Variants in SCHIP1 observed in about 807,000 individuals in gnomAD.
The protein encoded by SCHIP1 is schwannomin-interacting protein 1.
A neutral mutation model predicts 29.7 loss-of-function variants in SCHIP1; 8 were observed. The observed-to-expected ratio is 0.27, with a 90% CI of 0.16 to 0.49. SCHIP1 has a LOEUF of 0.49. Ranked by LOEUF, SCHIP1 falls within the 20% of genes least tolerant of loss-of-function variation. SCHIP1 has a pLI of 0.99. For synonymous variants in SCHIP1, 76 were observed against 94.9 expected, an observed-to-expected ratio of 0.80 and a Z score of 1.16; for missense variants, 193 against 294.6, an observed-to-expected ratio of 0.66 and a Z score of 2.52.
the SCHIP1 span, among the ~76,000 whole-genome samples, chr3:159,443,877 T>C: frequency 1.3e-5 from 2 of 152,294 alleles, no homozygotes; most frequent in African/African-American, 2.4e-5. Flanking sequence ...CTTTGAAGAA[T>C]CTGCTTGAGA....
chr3:159,705,461 A>G, the SCHIP1 span, among the ~76,000 whole-genome samples: 1 of 152,088 alleles, frequency 6.6e-6, no homozygotes, highest in Non-Finnish European at 1.5e-5. Context: ...AGATCATAAC[A>G]TAGAAATAGA....
chr3:159,578,692 T>C, the SCHIP1 span, among the ~76,000 whole-genome samples: 2,546 of 152,264 alleles, frequency 0.017, 64 homozygotes, highest in African/African-American at 0.057. Context: ...GGCCCCTTTT[T>C]CCATCTTCAA....
At chr3:159,611,127 A>G in the SCHIP1 span, among the ~76,000 whole-genome samples, 10 of 152,272 alleles carry the variant, frequency 6.6e-5, no homozygotes, top group African/African-American at 2.2e-4. Context: ...GGGCAGAAAT[A>G]TAATTCAGAA....
the SCHIP1 span, among the ~76,000 whole-genome samples, chr3:159,782,843 G>C: frequency 6.6e-6 from 1 of 152,232 alleles, no homozygotes; most frequent in East Asian, 1.9e-4. Flanking sequence ...GTTACAGGCA[G>C]CCTTGCTGTG....
the SCHIP1 span, among the ~76,000 whole-genome samples, chr3:159,487,466 T>C: frequency 6.6e-5 from 10 of 152,204 alleles, no homozygotes; most frequent in South Asian, 1.9e-3. Flanking sequence ...AGCACAGCAG[T>C]GCAGGAGCAG....
rs1473474942 is a variant in SCHIP1 at position 159,861,432 on chromosome 3, A to AG, written c.31-4728dup. Among the ~76,000 whole-genome samples, 3 of 152,224 alleles carry AG rather than the reference A, an allele frequency of 2.0e-5. No homozygotes were observed. Among genetic ancestry groups the AG allele is most frequent in the Non-Finnish European group, 4.4e-5 (3 of 68,040 alleles). On this transcript the variant is annotated intron_variant, in intron 1 of 6. Coordinates refer to ENST00000445224, the Ensembl canonical transcript of SCHIP1. This position sits in a 1 kb window ranked among gnomAD's most constrained non-coding sequence, Gnocchi z 4.1. ...CCAGATTGGGGAATTGCAGTAGAAC[A>AG]GGGCACATCAGGAAAGGCTGAGCAT...
chr3:159,756,450 A>G, the SCHIP1 span, among the ~76,000 whole-genome samples: 6 of 152,158 alleles, frequency 3.9e-5, no homozygotes, highest in Admixed American at 3.3e-4. Context: ...CACAAAGCAC[A>G]GGGACCCTGG....
At chr3:159,527,286 A>G in the SCHIP1 span, among the ~76,000 whole-genome samples, 3 of 152,162 alleles carry the variant, frequency 2.0e-5, no homozygotes, top group Non-Finnish European at 4.4e-5. Context: ...TTCTCTTCTC[A>G]TCAAAGTTTT....
At chr3:159,345,257 C>A in the SCHIP1 span, among the ~76,000 whole-genome samples, 2 of 149,406 alleles carry the variant, frequency 1.3e-5, no homozygotes, top group South Asian at 2.1e-4. Context: ...AATGCTAAAT[C>A]GCAGTGACAT....
chr3:159,274,831 A>T, the SCHIP1 span: 5 of 580,482 alleles, frequency 8.6e-6, no homozygotes, highest in East Asian at 7.2e-4. Context: ...ATTTATTTTA[A>T]AGCCTAATAA....
At chr3:159,639,940 G>T in the SCHIP1 span, among the ~76,000 whole-genome samples, 1 of 152,152 alleles carries the variant, frequency 6.6e-6, no homozygotes, top group African/African-American at 2.4e-5. Flanking sequence ...TGCCAGAAAA[G>T]AACAGATATT....
the SCHIP1 span, among the ~76,000 whole-genome samples, chr3:159,713,506 T>C: frequency 2.6e-5 from 4 of 152,220 alleles, no homozygotes; most frequent in Non-Finnish European, 5.9e-5. Context: ...AAATTATTGA[T>C]AAAATATTTC....
At chr3:159,848,000 C>T (rs1176980139) in intron 1 of SCHIP1, among the ~76,000 whole-genome samples, 4 of 147,700 alleles carry the variant, frequency 2.7e-5, no homozygotes, top group Admixed American at 2.0e-4. Flanking sequence ...AGGATGAAAT[C>T]GAGTTTCCAT....
the SCHIP1 span, among the ~76,000 whole-genome samples, chr3:159,529,112 A>G: frequency 1.3e-5 from 2 of 152,200 alleles, no homozygotes; most frequent in Admixed American, 1.3e-4. Context: ...ACATTTCTGC[A>G]GTTATTTTAG....
the SCHIP1 span, among the ~76,000 whole-genome samples, chr3:159,624,812 G>A: frequency 1.3e-5 from 2 of 152,174 alleles, no homozygotes; most frequent in East Asian, 3.8e-4. Context: ...AAAAGGTTGT[G>A]AGTCACAGCA....
chr3:159,393,643 TG>T, the SCHIP1 span, among the ~76,000 whole-genome samples: 1 of 149,896 alleles, frequency 6.7e-6, no homozygotes, highest in East Asian at 2.0e-4. Flanking sequence ...GCGTTATTTC[TG>T]AGGGCTCTGT....
chr3:159,335,963 C>G, the SCHIP1 span, among the ~76,000 whole-genome samples: 92,922 of 152,002 alleles, frequency 0.61, 28,969 homozygotes, highest in Middle Eastern at 0.67. Context: ...CCCACCAACA[C>G]TGTAAAAGTG....
the SCHIP1 span, among the ~76,000 whole-genome samples, chr3:159,742,834 A>ATTTTT: frequency 9.0e-6 from 1 of 110,818 alleles, no homozygotes; most frequent in Non-Finnish European, 1.8e-5. Context: ...CGCCTAGCTA[A>ATTTTT]TTTTTTTTTT....
chr3:159,726,209 G>T, the SCHIP1 span, among the ~76,000 whole-genome samples: 1 of 152,128 alleles, frequency 6.6e-6, no homozygotes, highest in Non-Finnish European at 1.5e-5. Context: ...TACTCAGTTT[G>T]ATTTCATTAT....
Sources: allele counts gnomAD v4.1 joint callset (sites outside exome capture counted in the v4.1 genomes callset), GRCh38; gene constraint gnomAD v4.1.1; non-coding constraint Gnocchi (gnomAD v3.1); transcripts MANE v1.5; gene names NCBI Gene and HGNC (gene_info 2026-07-23, HGNC 2026-07-21).